Variants in BCL7A observed in about 807,000 individuals in gnomAD.
BCL7A encodes the protein BAF chromatin remodeling complex subunit BCL7A, also known as B-cell CLL/lymphoma 7 protein family member A.
In BCL7A, 11 loss-of-function variants were observed where a neutral mutation model predicts 28.4. That is an observed-to-expected ratio of 0.39 (90% CI 0.24 to 0.64). The LOEUF (loss-of-function observed/expected upper bound fraction) is 0.64, where lower values mean the gene tolerates loss of function less well. Among genes scored for constraint, BCL7A ranks in the 30% least tolerant of loss-of-function variants. BCL7A has a pLI of 0.50. For synonymous variants in BCL7A, 123 were observed against 103.3 expected, an observed-to-expected ratio of 1.19 and a Z score of -1.15; for missense variants, 222 against 274.8, an observed-to-expected ratio of 0.81 and a Z score of 1.36.
At chr12:122,053,592 A>G (rs1884243257) in intron 4 of BCL7A, among the ~76,000 whole-genome samples, 3 of 152,104 alleles carry the variant, frequency 2.0e-5, no homozygotes, top group Admixed American at 2.0e-4. Flanking sequence ...GGCCTCGGGT[A>G]GGATTTTTGC....
At chr12:122,031,244 G>A (rs1192716439) in intron 2 of BCL7A, among the ~76,000 whole-genome samples, 2 of 152,102 alleles carry the variant, frequency 1.3e-5, no homozygotes, top group East Asian at 3.9e-4. Flanking sequence ...GGCCAGGCTC[G>A]TCTTGAACTC....
At chr12:122,051,090 T>G (rs1884183071) in intron 4 of BCL7A, among the ~76,000 whole-genome samples, 1 of 152,218 alleles carries the variant, frequency 6.6e-6, no homozygotes, top group Non-Finnish European at 1.5e-5. Context: ...AAGCCCGATT[T>G]GAGCTCCGCA....
chr12:122,042,161 T>G (rs1883976276), intron 3 of BCL7A, among the ~76,000 whole-genome samples: 1 of 152,164 alleles, frequency 6.6e-6, no homozygotes, highest in East Asian at 1.9e-4. Flanking sequence ...CCAGCCCAAC[T>G]GTAAATGCCA....
intron 4 of BCL7A, among the ~76,000 whole-genome samples, chr12:122,054,024 T>C (rs1165380813): frequency 6.6e-6 from 1 of 152,176 alleles, no homozygotes; most frequent in East Asian, 1.9e-4. Flanking sequence ...CTTTATTTTT[T>C]CTGTACTTTT....
chr12:122,022,454 G>C (rs1194030947), intron 1 of BCL7A, among the ~76,000 whole-genome samples: 1 of 145,190 alleles, frequency 6.9e-6, no homozygotes, highest in East Asian at 2.0e-4. Context: ...GGGGCCAGGC[G>C]GTTGGAGCGG....
intron 3 of BCL7A, among the ~76,000 whole-genome samples, chr12:122,040,060 A>G (rs901393977): frequency 2.0e-5 from 3 of 152,182 alleles, no homozygotes; most frequent in South Asian, 2.1e-4. Flanking sequence ...AACCGTCACA[A>G]TGTGCCAAGT....
Position 122,059,255 on chromosome 12 carries a change from G to A in BCL7A, c.*92G>A. 1 of 1,236,926 alleles carries A rather than the reference G, an allele frequency of 8.1e-7. No individual in the cohort carries two copies. The highest frequency in any genetic ancestry group is 1.2e-6 in the Non-Finnish European group (1 of 852,660). The allele number at this position is 1,236,926 out of a possible 1,614,324, so 76.6% of individuals were successfully genotyped here. A position where few individuals can be genotyped will look rare whatever the true frequency, so the allele number is the denominator to read the frequency against. ...TTTGCCCCAGCGATTCCTCTTGGGT[G>A]CGAACAGAACTACTAACGTTTCAAG... On this transcript the variant is annotated 3_prime_UTR_variant, in exon 6 of 6. Coordinates refer to ENST00000261822, the MANE Select transcript of BCL7A (RefSeq NM_001024808.3). The surrounding 1 kb of genome is among the most constrained non-coding windows in gnomAD (Gnocchi z 4.0).
rs1242867198 is a variant in BCL7A at position 122,059,401 on chromosome 12, C to T, written c.*238C>T. 1 of 464,324 alleles carries T rather than the reference C, an allele frequency of 2.2e-6. No individual in the cohort carries two copies. The highest frequency in any genetic ancestry group is 3.5e-5 in the Admixed American group (1 of 28,800). 28.8% of individuals were successfully genotyped at this position (464,324 alleles called of 1,614,324 possible). On this transcript the variant is annotated 3_prime_UTR_variant, in exon 6 of 6. Coordinates refer to ENST00000261822, the MANE Select transcript of BCL7A (RefSeq NM_001024808.3). The surrounding 1 kb of genome is among the most constrained non-coding windows in gnomAD (Gnocchi z 4.0). Reference sequence around the variant, plus strand: ...ACTGTCCTTGGGGAGGCAGGCGGGGCTGACAGCTCAGGAGTGTCTGCACAC... The same window carrying T: ...ACTGTCCTTGGGGAGGCAGGCGGGGTTGACAGCTCAGGAGTGTCTGCACAC...
chr12:122,030,417 C>T (rs903664883), intron 1 of BCL7A, among the ~76,000 whole-genome samples: 1 of 152,220 alleles, frequency 6.6e-6, no homozygotes, highest in Non-Finnish European at 1.5e-5. Context: ...AACCTGGGCC[C>T]GACTCGTGCC....
chr12:122,044,926 T>TG (rs546840541), intron 4 of BCL7A, among the ~76,000 whole-genome samples: 4 of 151,458 alleles, frequency 2.6e-5, no homozygotes, highest in African/African-American at 7.3e-5. Context: ...AGGAAAGGGG[T>TG]GGGGGGTCTT....
chr12:122,052,774 C>T (rs1314299558), intron 4 of BCL7A, among the ~76,000 whole-genome samples: 1 of 149,436 alleles, frequency 6.7e-6, no homozygotes, highest in Non-Finnish European at 1.5e-5. Context: ...CCTCCGCCTC[C>T]TGGGTTTATG....
chr12:122,021,919 T>G lies in BCL7A; in HGVS notation c.-173T>G, dbSNP rs937053133. The G allele has an allele frequency of 1.7e-5, 5 of 300,148 alleles. No individual in the cohort carries two copies. The highest frequency in any genetic ancestry group is 8.2e-4 in the Middle Eastern group (1 of 1,222). 18.6% of individuals were successfully genotyped at this position (300,148 alleles called of 1,614,324 possible). ...AGGCGCGCGGCGGCCCCGGGCTTTG[T>G]GTGTGTGTGTATGTGTGTGTGTGTG... On this transcript the variant is annotated 5_prime_UTR_variant, in exon 1 of 6. Coordinates refer to ENST00000261822, the MANE Select transcript of BCL7A (RefSeq NM_001024808.3).
chr12:122,053,238 C>T (rs1365875488), intron 4 of BCL7A, among the ~76,000 whole-genome samples: 1 of 152,178 alleles, frequency 6.6e-6, no homozygotes, highest in African/African-American at 2.4e-5. Context: ...TCAAGTGATC[C>T]GCCTGCCTTG....
At chr12:122,047,552 G>A (rs892762000) in intron 4 of BCL7A, among the ~76,000 whole-genome samples, 3 of 151,832 alleles carry the variant, frequency 2.0e-5, no homozygotes, top group African/African-American at 7.3e-5. Flanking sequence ...AAAGAAATGG[G>A]ATCTCACTGT....
At chr12:122,058,696 CAAT>C (rs985995850) in intron 5 of BCL7A, among the ~76,000 whole-genome samples, 3 of 152,072 alleles carry the variant, frequency 2.0e-5, no homozygotes, top group Admixed American at 2.0e-4. Context: ...GAACTTGAAA[CAAT>C]AATCACAAGT....
At chr12:122,024,457 TTTTTG>T (rs1179661501) in intron 1 of BCL7A, among the ~76,000 whole-genome samples, 14 of 44,068 alleles carry the variant, frequency 3.2e-4, no homozygotes, top group South Asian at 3.2e-3. Context: ...GCTTTGAGGT[TTTTTG>T]TTTTTTTTTT....
intron 1 of BCL7A, among the ~76,000 whole-genome samples, chr12:122,023,245 T>A (rs1883516441): frequency 1.3e-5 from 2 of 152,302 alleles, no homozygotes; most frequent in African/African-American, 4.8e-5. Flanking sequence ...TCAACTTTAT[T>A]ATTTTTTTCC....
chr12:122,037,368 A>G (rs900556230), intron 3 of BCL7A, among the ~76,000 whole-genome samples: 1 of 152,186 alleles, frequency 6.6e-6, no homozygotes, highest in Non-Finnish European at 1.5e-5. Context: ...ACTGGAAGGG[A>G]ATATTGGTTT....
At position 122,054,289 on chromosome 12, in the gene BCL7A, G is replaced by A. The variant is rs1394499023; in HGVS notation, c.440-516G>A. 2.6e-5 allele frequency among the ~76,000 whole-genome samples: 4 copies of A among 152,048 alleles called. No homozygotes were observed. The South Asian group carries it at 8.3e-4, about 32-fold the overall frequency. ...TTTTTAGTAGAGACGGGGTTTCACC[G>A]TGTTAGCCAGGATGGTCTCGATCTC... On this transcript the variant is annotated intron_variant, in intron 4 of 5. Transcript: ENST00000261822.
Sources: gnomAD v4.1 joint callset for allele counts (sites outside exome capture counted in the v4.1 genomes callset) on GRCh38, gnomAD v4.1.1 for gene constraint, Gnocchi (gnomAD v3.1) non-coding constraint, MANE v1.5 for transcripts, NCBI Gene and HGNC (gene_info 2026-07-23, HGNC 2026-07-21) for gene names.